The following WBP1 variants were observed in gnomAD, a reference collection of about 807,000 sequenced individuals.
WBP1 encodes WW domain-binding protein 1.
Under a neutral mutation model 25.6 loss-of-function variants are expected in WBP1, and 18 were observed. The observed-to-expected ratio is 0.70, with a 90% CI of 0.49 to 1.04. The LOEUF is 1.04. WBP1 is among the 50% of genes least tolerant of loss of function. The pLI is 0.00. For synonymous variants in WBP1, 122 were observed against 137.7 expected, an observed-to-expected ratio of 0.89 and a Z score of 0.80; for missense variants, 330 against 352.9, an observed-to-expected ratio of 0.94 and a Z score of 0.52.
chr2:74,460,794 G>A lies in WBP1; in HGVS notation c.*113G>A, dbSNP rs575664650. 1 of 952,842 alleles carries A rather than the reference G, an allele frequency of 1.0e-6. No individual in the cohort carries two copies. The highest frequency in any genetic ancestry group is 1.7e-5 in the African/African-American group (1 of 59,938). The allele number at this position is 952,842 out of a possible 1,614,324, so 59.0% of individuals were successfully genotyped here. A position where few individuals can be genotyped will look rare whatever the true frequency, so the allele number is the denominator to read the frequency against. ...ACCTAGAATCTGCCTGAAAGGGCTG[G>A]AGAGGGGCAGTATTGGGGGACTGTG... is the stretch of plus-strand genomic sequence containing the variant. On this transcript the variant is annotated 3_prime_UTR_variant, in exon 4 of 4. Transcript: ENST00000233615.
At position 74,458,440 on chromosome 2, in the gene WBP1, A is replaced by C. The variant is rs1177815891; in HGVS notation, c.-163A>C. The C allele has an allele frequency of 1.4e-6, 2 of 1,442,488 alleles. No homozygotes were observed. The highest frequency in any genetic ancestry group is 2.9e-5 in the African/African-American group (2 of 69,824). The allele number at this position is 1,442,488 out of a possible 1,614,324, so 89.4% of individuals were successfully genotyped here. ...GGTAGGGCAGAGCAATCTGAGTCCTAGTTGGTGGAGTTCTGCCCGGATGGA... is the reference window on the plus strand; with the variant it reads ...GGTAGGGCAGAGCAATCTGAGTCCTCGTTGGTGGAGTTCTGCCCGGATGGA... On this transcript the variant is annotated 5_prime_UTR_variant, in exon 1 of 4. Transcript: ENST00000233615.
chr2:74,459,757 A>C lies in WBP1; in HGVS notation c.172+12A>C. 1 of 1,614,170 alleles carries C rather than the reference A, an allele frequency of 6.2e-7. No individual in the cohort carries two copies. Among genetic ancestry groups the C allele is most frequent in the Non-Finnish European group, 8.5e-7 (1 of 1,180,000 alleles). ...CTATGAGCTCTGGTGTAAGTCTCCA[A>C]GAGGGCTATTTCCAGGTCCCTGTGT... On this transcript the variant is annotated intron_variant, in intron 2 of 3. Coordinates refer to ENST00000233615, the MANE Select transcript of WBP1 (RefSeq NM_012477.4).
chr2:74,459,246 A>G (rs1049425273), intron 1 of WBP1: 5 of 1,080,582 alleles, frequency 4.6e-6, no homozygotes, highest in Admixed American at 3.3e-5. Context: ...ACCTACCGCT[A>G]CCCGTTGTCT....
Position 74,460,066 on chromosome 2 carries a change from C to T in WBP1, c.349+17C>T. 4 of 1,608,376 alleles carry T rather than the reference C, an allele frequency of 2.5e-6. No individual in the cohort carries two copies. Among genetic ancestry groups the T allele is most frequent in the Non-Finnish European group, 3.4e-6 (4 of 1,175,190 alleles). ...TTGACCTTCGTGAGTGACTTGATGC[C>T]CTGGGTCAGCTACCAGTGGCCCTCC... On this transcript the variant is annotated intron_variant, in intron 3 of 3. Coordinates refer to ENST00000233615, the MANE Select transcript of WBP1 (RefSeq NM_012477.4).
At position 74,460,423 on chromosome 2, in the gene WBP1, T is replaced by C. The variant is rs8469; in HGVS notation, c.552T>C (p.Pro184=). ...TTTCCTCCCACCAGAGTGCCCCCCCTCATCAGGAGGGTGAGCCCGGGGCAG... is the reference window on the plus strand; with the variant it reads ...TTTCCTCCCACCAGAGTGCCCCCCCCCATCAGGAGGGTGAGCCCGGGGCAG... The part of the protein sequence containing the change: ...EGVSSHQSAP[P]HQEGEPGAGV... Residue 184 remains proline (P), a synonymous_variant, in exon 4 of 4, where the codon CCT becomes CCC. Coordinates refer to ENST00000233615, the MANE Select transcript of WBP1 (RefSeq NM_012477.4). 322,478 of 1,612,820 alleles carry C rather than the reference T, an allele frequency of 0.2. 56,421 individuals are homozygous for C. Among genetic ancestry groups the C allele is most frequent in the East Asian group, 0.83 (37,295 of 44,800 alleles).
chr2:74,458,617 C>T lies in WBP1; in HGVS notation c.15C>T (p.Ser5=). The change falls in exon 1 of 4, where the codon AGC becomes AGT. Residue 5 remains serine (S), a synonymous_variant. Transcript: ENST00000233615. ...TAGGTGGAGGTATGGCTCGGGCCAG[C>T]AGCGGGAACGGCAGCGAGGAGGCCT... The part of the protein sequence containing the change: MARA[S]SGNGSEEAWG... 3 of 1,562,716 alleles carry T rather than the reference C, an allele frequency of 1.9e-6. No individual in the cohort carries two copies. Among genetic ancestry groups the T allele is most frequent in the South Asian group, 1.2e-5 (1 of 85,104 alleles).
chr2:74,459,361 G>C (rs1463548429), intron 1 of WBP1: 3 of 636,590 alleles, frequency 4.7e-6, no homozygotes, highest in South Asian at 2.0e-5. Context: ...AGTGAGGCTT[G>C]AGTGTGAAGG....
intron 2 of WBP1, 34 bp downstream of exon 2, chr2:74,459,779 G>A: frequency 6.2e-7 from 1 of 1,613,932 alleles, no homozygotes; most frequent in Non-Finnish European, 8.5e-7. Flanking sequence ...CCAGGTCCCT[G>A]TGTCCACCCT....
At chr2:74,458,973 T>G in intron 1 of WBP1, 2 of 1,550,668 alleles carry the variant, frequency 1.3e-6, no homozygotes, top group Non-Finnish European at 1.7e-6. Flanking sequence ...GTGATCTTTT[T>G]CTATGTGCCT....
At chr2:74,458,800 C>T (rs1266029504) in intron 1 of WBP1, 129 bp downstream of exon 1, 4 of 1,526,010 alleles carry the variant, frequency 2.6e-6, no homozygotes, top group Admixed American at 4.1e-5. Context: ...AAACATGTCT[C>T]TTCCACTCTT....
chr2:74,459,704 G>A lies in WBP1; in HGVS notation c.131G>A (p.Cys44Tyr). Residue 44 changes from cysteine to tyrosine, a missense_variant, in exon 2 of 4, where the codon TGC (cysteine) becomes TAC (tyrosine). Cys to Tyr is a radical substitution (Grantham distance 194, BLOSUM62 -2). Coordinates refer to ENST00000233615, the MANE Select transcript of WBP1 (RefSeq NM_012477.4). ...QPYLCESGHCCGETGCCTYYY... is the reference protein window; with the variant it reads ...QPYLCESGHCYGETGCCTYYY... ...TACCTCTGTGAGAGTGGTCACTGCT[G>A]CGGGGAGACTGGCTGCTGCACCTAC... 2 of 1,614,178 alleles carry A rather than the reference G, an allele frequency of 1.2e-6. No individual in the cohort carries two copies. The highest frequency in any genetic ancestry group is 1.1e-5 in the South Asian group (1 of 91,088).
rs772399911 is a variant in WBP1 at position 74,460,624 on chromosome 2, G to A, written c.753G>A (p.Glu251=). The change falls in exon 4 of 4, where the codon GAG becomes GAA. Residue 251 remains glutamate (E), a synonymous_variant. Transcript: ENST00000233615. ...ACTCCCCGTGTGCACTACCCCCAGA[G>A]TCTGTACCGCAGATCTTTCCCATGG... ...EDYSPCALPP[E]SVPQIFPMGL... is the part of the protein sequence containing the mutation. 1.2e-6 allele frequency: 2 copies of A among 1,607,750 alleles called. No individual in the cohort carries two copies. The highest frequency in any genetic ancestry group is 4.5e-5 in the East Asian group (2 of 44,808).
intron 1 of WBP1, chr2:74,458,946 T>C (rs1455211546): frequency 6.4e-7 from 1 of 1,550,706 alleles, no homozygotes; most frequent in Non-Finnish European, 8.7e-7. Flanking sequence ...GCTCCCTCTG[T>C]CTTGCAACAG....
rs1332810963 is a variant in WBP1 at position 74,459,370 on chromosome 2, G to GGAAGTCTCATATATGCAGAGCT, written c.70-269_70-248dup. 4.7e-6 allele frequency: 3 copies of GGAAGTCTCATATATGCAGAGCT among 637,304 alleles called. No individual in the cohort carries two copies. In the African/African-American group the frequency reaches 5.5e-5, roughly 12 times the overall value. The allele number at this position is 637,304 out of a possible 1,614,324, so 39.5% of individuals were successfully genotyped here. A position where few individuals can be genotyped will look rare whatever the true frequency, so the allele number is the denominator to read the frequency against. ...GGGGAGAGTGAGGCTTGAGTGTGAA[G>GGAAGTCTCATATATGCAGAGCT]GAAGTCTCATATATGCAGAGCTGAA... On this transcript the variant is annotated intron_variant, in intron 1 of 3. Coordinates refer to ENST00000233615, the MANE Select transcript of WBP1 (RefSeq NM_012477.4).
rs542611467 is a variant in WBP1, at chr2:74,460,421, C to G, written c.550C>G (p.Pro184Ala). 9.9e-6 allele frequency: 16 copies of G among 1,613,706 alleles called. No individual in the cohort carries two copies. Among genetic ancestry groups the G allele is most frequent in the Middle Eastern group, 1.7e-4 (1 of 5,852 alleles). Reference sequence around the variant, plus strand: ...TGTTTCCTCCCACCAGAGTGCCCCCCCTCATCAGGAGGGTGAGCCCGGGGC... The same window carrying G: ...TGTTTCCTCCCACCAGAGTGCCCCCGCTCATCAGGAGGGTGAGCCCGGGGC... ...EGVSSHQSAP[P>A]HQEGEPGAGV... The change falls in exon 4 of 4, where the codon CCT (proline) becomes GCT (alanine). Residue 184 changes from proline to alanine, a missense_variant. By Grantham distance (27) the Pro-to-Ala change is conservative. Coordinates refer to ENST00000233615, the MANE Select transcript of WBP1 (RefSeq NM_012477.4).
In WBP1 at chr2:74,458,753, G is replaced by T. The variant is rs146739390; in HGVS notation, c.69+82G>T. The T allele has an allele frequency of 1.7e-3, 2,621 of 1,523,668 alleles. 76 individuals are homozygous for T. In the East Asian group the frequency reaches 0.057, roughly 33 times the overall value. The allele number at this position is 1,523,668 out of a possible 1,614,324, so 94.4% of individuals were successfully genotyped here. A position where few individuals can be genotyped will look rare whatever the true frequency, so the allele number is the denominator to read the frequency against. On this transcript the variant is annotated intron_variant, in intron 1 of 3. Coordinates refer to ENST00000233615, the MANE Select transcript of WBP1 (RefSeq NM_012477.4). Reference sequence around the variant, plus strand: ...TTGTCCCTTCCTTTTGGGGGTGGGGGAGGAACTCACGGAGCCAAAGGTACT... The same window carrying T: ...TTGTCCCTTCCTTTTGGGGGTGGGGTAGGAACTCACGGAGCCAAAGGTACT...
Position 74,460,838 on chromosome 2 carries a change from G to T in WBP1, c.*157G>T. Reference sequence around the variant, plus strand: ...GACTGTGCTAGCTTTACCCCCGCAGGACATACACAGGAGCCTTTGATCTCA... The same window carrying T: ...GACTGTGCTAGCTTTACCCCCGCAGTACATACACAGGAGCCTTTGATCTCA... On this transcript the variant is annotated 3_prime_UTR_variant, in exon 4 of 4. Coordinates refer to ENST00000233615, the MANE Select transcript of WBP1 (RefSeq NM_012477.4). The T allele has an allele frequency of 1.5e-6, 1 of 674,104 alleles. No homozygotes were observed. The highest frequency in any genetic ancestry group is 2.0e-5 in the South Asian group (1 of 49,326). The allele number at this position is 674,104 out of a possible 1,614,324, so 41.8% of individuals were successfully genotyped here.
Position 74,460,643 on chromosome 2 carries a change from C to T in WBP1, c.772C>T (p.Pro258Ser). Reference sequence around the variant, plus strand: ...CCCAGAGTCTGTACCGCAGATCTTTCCCATGGGGCTGTCTTCCAGTGAAGG... The same window carrying T: ...CCCAGAGTCTGTACCGCAGATCTTTTCCATGGGGCTGTCTTCCAGTGAAGG... ...LPPESVPQIFPMGLSSSEGDI... is the reference protein window; with the variant it reads ...LPPESVPQIFSMGLSSSEGDI... The change falls in exon 4 of 4, where the codon CCC becomes TCC. Residue 258 changes from proline to serine, a missense_variant. Physicochemically the swap from Pro to Ser is moderately conservative, Grantham distance 74. Coordinates refer to ENST00000233615, the MANE Select transcript of WBP1 (RefSeq NM_012477.4). 1 of 1,591,484 alleles carries T rather than the reference C, an allele frequency of 6.3e-7. No individual in the cohort carries two copies. The highest frequency in any genetic ancestry group is 8.6e-7 in the Non-Finnish European group (1 of 1,166,894).
At chr2:74,458,821 T>G in intron 1 of WBP1, 150 bp downstream of exon 1, 1 of 1,535,092 alleles carries the variant, frequency 6.5e-7, no homozygotes, top group Non-Finnish European at 8.8e-7. Context: ...TGTCTAAACT[T>G]TGTAACGTAG....
Sources: allele counts gnomAD v4.1 joint callset, GRCh38; gene constraint gnomAD v4.1.1; transcripts MANE v1.5; gene names NCBI Gene and HGNC (gene_info 2026-07-23, HGNC 2026-07-21).